The following ZYG11A variants were observed in gnomAD, a reference collection of about 807,000 sequenced individuals.
ZYG11A encodes the protein protein zyg-11 homolog A.
ZYG11A carries 62 observed loss-of-function variants against 77.2 expected under a neutral mutation model. The observed-to-expected ratio is 0.80, with a 90% confidence interval of 0.65 to 0.99. ZYG11A has a LOEUF of 0.99. Among genes scored for constraint, ZYG11A ranks in the 50% least tolerant of loss-of-function variants. The pLI, the probability that ZYG11A is intolerant of heterozygous loss-of-function variation, is 0.00. For missense variants in ZYG11A, 828 were observed against 896.8 expected (o/e 0.92, Z 0.98); for synonymous variants, 315 against 324.6 (o/e 0.97, Z 0.32).
chr1:52,890,438 A>G (rs1646526006), intron 13 of ZYG11A, among the ~76,000 whole-genome samples: 2 of 150,280 alleles, frequency 1.3e-5, no homozygotes, highest in Non-Finnish European at 3.0e-5. Context: ...GGGTTTCATC[A>G]TGTTGGCCAT....
At chr1:52,881,904 C>CTT (rs140988580) in intron 11 of ZYG11A, among the ~76,000 whole-genome samples, 2 of 139,996 alleles carry the variant, frequency 1.4e-5, no homozygotes, top group African/African-American at 2.7e-5. Flanking sequence ...ATTGATGTTT[C>CTT]TTTTTTTTTT....
intron 8 of ZYG11A, among the ~76,000 whole-genome samples, chr1:52,870,187 G>C (rs185975935): frequency 0.016 from 1,078 of 66,078 alleles, 22 homozygotes; most frequent in African/African-American, 0.034. Flanking sequence ...TAGATGGGAT[G>C]GCGGCCGGGA....
intron 1 of ZYG11A, among the ~76,000 whole-genome samples, chr1:52,844,332 T>C (rs1645521664): frequency 6.6e-6 from 1 of 152,198 alleles, no homozygotes; most frequent in South Asian, 2.1e-4. Context: ...TTTAGAAAAG[T>C]TATATAATTT....
intron 8 of ZYG11A, among the ~76,000 whole-genome samples, chr1:52,869,065 G>A (rs915222291): frequency 1.3e-5 from 2 of 152,102 alleles, no homozygotes; most frequent in African/African-American, 2.4e-5. Context: ...CTGACCTTGT[G>A]ATCCACCTGC....
chr1:52,850,369 C>T (rs905443229), intron 1 of ZYG11A, among the ~76,000 whole-genome samples: 14 of 148,592 alleles, frequency 9.4e-5, no homozygotes, highest in Non-Finnish European at 1.3e-4. Flanking sequence ...CCCAGGTTGG[C>T]GTGCGGTGGA....
chr1:52,849,439 C>G (rs1406085728), intron 1 of ZYG11A, among the ~76,000 whole-genome samples: 1 of 151,830 alleles, frequency 6.6e-6, no homozygotes, highest in African/African-American at 2.4e-5. Flanking sequence ...TCTCCGCTCA[C>G]TGCAGCCTCC....
intron 8 of ZYG11A, among the ~76,000 whole-genome samples, chr1:52,874,239 CTATA>C: frequency 6.7e-6 from 1 of 148,818 alleles, no homozygotes; most frequent in African/African-American, 2.5e-5. Flanking sequence ...CTCTCTCTCT[CTATA>C]TATATATACA....
Position 52,842,808 on chromosome 1 carries a change from C to T in ZYG11A, c.-76C>T. The T allele has an allele frequency of 7.1e-7, 1 of 1,409,680 alleles. No individual in the cohort carries two copies. The highest frequency in any genetic ancestry group is 1.5e-5 in the African/African-American group (1 of 66,516). The allele number at this position is 1,409,680 out of a possible 1,614,324, so 87.3% of individuals were successfully genotyped here. A position where few individuals can be genotyped will look rare whatever the true frequency, so the allele number is the denominator to read the frequency against. On this transcript the variant is annotated 5_prime_UTR_variant, in exon 1 of 14. Transcript: ENST00000371528. ...CGTGGTGGGCGCGTCCTGGCAGCCG[C>T]CCGCTTGGTTCTCGCGGGATCCGGG...
At chr1:52,869,431 G>A (rs1040614479) in intron 8 of ZYG11A, among the ~76,000 whole-genome samples, 1 of 151,186 alleles carries the variant, frequency 6.6e-6, no homozygotes, top group African/African-American at 2.4e-5. Context: ...TTGAGATTAG[G>A]GAGTGGTGAT....
chr1:52,857,103 C>A lies in ZYG11A; in HGVS notation c.362C>A (p.Ala121Asp). 6.4e-7 allele frequency: 1 copy of A among 1,551,730 alleles called. No individual in the cohort carries two copies. The highest frequency in any genetic ancestry group is 1.2e-5 in the South Asian group (1 of 84,058). ...AKISTAAFIK[A>D]FCRHKLIELN... ...ATCTCTACAGCTGCATTCATAAAAG[C>A]CTTCTGCCGTCATAAGCTCATTGAA... is the stretch of plus-strand genomic sequence containing the variant. The change falls in exon 3 of 14, where the codon GCC (alanine) becomes GAC (aspartate). Residue 121 changes from alanine (A) to aspartate (D), a missense_variant. Physicochemically the swap from Ala to Asp is moderately radical, Grantham distance 126. Transcript: ENST00000371528.
rs1646598037 is a variant in ZYG11A, at chr1:52,894,874, T to A, written c.*1917T>A. On this transcript the variant is annotated 3_prime_UTR_variant, in exon 14 of 14. Transcript: ENST00000371528. ...ATGCTAGCTTATTCTAATGTGAGGA[T>A]GTGTTAGGGGAACTAGTGTGTTAAG... 6.6e-6 allele frequency: 1 copy of A among 152,214 alleles called. No homozygotes were observed. Among genetic ancestry groups the A allele is most frequent in the African/African-American group, 2.4e-5 (1 of 41,436 alleles). 9.4% of individuals were successfully genotyped at this position (152,214 alleles called of 1,614,324 possible). A position where few individuals can be genotyped will look rare whatever the true frequency, so the allele number is the denominator to read the frequency against.
In ZYG11A at chr1:52,864,170, G is replaced by T; in HGVS notation, c.1326+13G>T. ...CCATTACCAGCAGGTAATTTCAATT[G>T]AATATTTGTTTGTGCTTTTTTTGTT... On this transcript the variant is annotated intron_variant, in intron 5 of 13. Coordinates refer to ENST00000371528, the MANE Select transcript of ZYG11A (RefSeq NM_001004339.3). 6.5e-7 allele frequency: 1 copy of T among 1,549,978 alleles called. No individual in the cohort carries two copies. The highest frequency in any genetic ancestry group is 1.2e-5 in the South Asian group (1 of 83,820).
chr1:52,878,253 G>C (rs949374098), intron 10 of ZYG11A, among the ~76,000 whole-genome samples: 3 of 152,162 alleles, frequency 2.0e-5, no homozygotes, highest in Non-Finnish European at 4.4e-5. Flanking sequence ...TGGTCTGTCT[G>C]GTCTCATGTG....
At position 52,857,192 on chromosome 1, in the gene ZYG11A, A is replaced by C. The variant is rs1016982588; in HGVS notation, c.451A>C (p.Asn151His). 1 of 1,552,180 alleles carries C rather than the reference A, an allele frequency of 6.4e-7. No individual in the cohort carries two copies. The highest frequency in any genetic ancestry group is 2.0e-5 in the Admixed American group (1 of 50,994). Residue 151 changes from asparagine to histidine, a missense_variant, in exon 3 of 14, where the codon AAT becomes CAT. Coordinates refer to ENST00000371528, the MANE Select transcript of ZYG11A (RefSeq NM_001004339.3). Reference sequence around the variant, plus strand: ...AGACATCATAAGTGGACTCTGCAGCAATAGGTGGATCCAGCAAAACCTCCA... The same window carrying C: ...AGACATCATAAGTGGACTCTGCAGCCATAGGTGGATCCAGCAAAACCTCCA... ...VPDIISGLCS[N>H]RWIQQNLQCL... is the part of the protein sequence containing the mutation.
At chr1:52,843,684 C>A (rs1021580232) in intron 1 of ZYG11A, among the ~76,000 whole-genome samples, 121 of 120,968 alleles carry the variant, frequency 1.0e-3, no homozygotes, top group African/African-American at 3.8e-3. Flanking sequence ...TCTTTTCTTT[C>A]TTTCTTTTTT....
intron 4 of ZYG11A, among the ~76,000 whole-genome samples, chr1:52,863,235 T>C (rs940053221): frequency 6.6e-6 from 1 of 152,084 alleles, no homozygotes; most frequent in Non-Finnish European, 1.5e-5. Flanking sequence ...GCAGGTGGGG[T>C]CTAAGCTTGG....
intron 4 of ZYG11A, among the ~76,000 whole-genome samples, chr1:52,863,083 T>C (rs1645960442): frequency 6.6e-6 from 1 of 152,196 alleles, no homozygotes; most frequent in Non-Finnish European, 1.5e-5. Context: ...TCTGGATTTC[T>C]AAATTGCAGA....
chr1:52,845,837 T>G (rs1645564486), intron 1 of ZYG11A, among the ~76,000 whole-genome samples: 1 of 151,916 alleles, frequency 6.6e-6, no homozygotes, highest in African/African-American at 2.4e-5. Context: ...CCACCATGCC[T>G]GGCTGTTTTT....
intron 1 of ZYG11A, among the ~76,000 whole-genome samples, chr1:52,848,007 C>T (rs1645631388): frequency 6.6e-6 from 1 of 152,066 alleles, no homozygotes; most frequent in Non-Finnish European, 1.5e-5. Flanking sequence ...GTAGCTGGGA[C>T]TATAGGCGCC....
Sources: gnomAD v4.1 joint callset for allele counts (sites outside exome capture counted in the v4.1 genomes callset) on GRCh38, gnomAD v4.1.1 for gene constraint, MANE v1.5 for transcripts, NCBI Gene and HGNC (gene_info 2026-07-23, HGNC 2026-07-21) for gene names.